The following PTPRT variants were observed in gnomAD, a reference collection of about 807,000 sequenced individuals.
PTPRT encodes protein tyrosine phosphatase receptor type T.
In PTPRT, 56 loss-of-function variants were observed where a neutral mutation model predicts 176.8. The observed-to-expected ratio is 0.32, with a 90% CI of 0.26 to 0.40. The LOEUF is 0.40. Among genes scored for constraint, PTPRT ranks in the 10% least tolerant of loss-of-function variants. PTPRT has a pLI of 1.00. For missense variants in PTPRT, 1,540 were observed against 1,908.2 expected, an observed-to-expected ratio of 0.81 and a Z score of 3.60; for synonymous variants, 783 against 739.0, an observed-to-expected ratio of 1.06 and a Z score of -0.96.
At chr20:42,452,218 G>T (rs865917737) in intron 8 of PTPRT, among the ~76,000 whole-genome samples, 1 of 150,912 alleles carries the variant, frequency 6.6e-6, no homozygotes, top group South Asian at 2.1e-4. Flanking sequence ...GCAGTGAGCC[G>T]AGACCATGCC....
chr20:42,841,168 C>T (rs1290225648), intron 2 of PTPRT, among the ~76,000 whole-genome samples: 1 of 152,174 alleles, frequency 6.6e-6, no homozygotes, highest in African/African-American at 2.4e-5. Flanking sequence ...TTGGTACTTG[C>T]CTCCTCTTAG....
At chr20:42,975,545 C>T (rs1982897842) in intron 1 of PTPRT, among the ~76,000 whole-genome samples, 1 of 152,108 alleles carries the variant, frequency 6.6e-6, no homozygotes, top group African/African-American at 2.4e-5. Context: ...ACTTTGTAAA[C>T]TTCTTTTATT....
At chr20:42,874,044 C>G (rs172303) in intron 2 of PTPRT, among the ~76,000 whole-genome samples, 47,737 of 152,004 alleles carry the variant, frequency 0.31, 8,368 homozygotes, top group African/African-American at 0.48. Flanking sequence ...GGTTCACTTG[C>G]AGGAGCTCTA....
intron 1 of PTPRT, among the ~76,000 whole-genome samples, chr20:43,070,301 C>T (rs1302171842): frequency 3.3e-5 from 5 of 151,970 alleles, no homozygotes; most frequent in South Asian, 2.1e-4. Context: ...ATTAGAATGG[C>T]GATCATTAAA....
chr20:42,059,335 T>G, the PTPRT span, among the ~76,000 whole-genome samples: 1 of 152,130 alleles, frequency 6.6e-6, no homozygotes, highest in Non-Finnish European at 1.5e-5. Flanking sequence ...CATATTGGTA[T>G]GTGTAAGCAT....
intron 2 of PTPRT, among the ~76,000 whole-genome samples, chr20:42,849,203 A>C (rs1371614388): frequency 6.6e-6 from 1 of 152,084 alleles, no homozygotes. Flanking sequence ...CATGCTGAGG[A>C]AACAGGGGTC....
chr20:42,995,587 C>T (rs1984176902), intron 1 of PTPRT, among the ~76,000 whole-genome samples: 1 of 152,114 alleles, frequency 6.6e-6, no homozygotes, highest in Admixed American at 6.6e-5. Context: ...GGCAAGCACC[C>T]CTGTACTGAG....
chr20:42,309,967 G>T (rs1343281633), intron 12 of PTPRT, among the ~76,000 whole-genome samples: 2 of 152,100 alleles, frequency 1.3e-5, no homozygotes, highest in East Asian at 3.8e-4. Flanking sequence ...GCTGGTGGGT[G>T]GTTCTTAGGT....
rs537147614 is a variant in PTPRT, at chr20:42,472,139, A to T, written c.1450+127T>A. On this transcript the variant is annotated intron_variant, in intron 8 of 30. Transcript: ENST00000373187. Reference sequence around the variant, plus strand: ...TACATAGTCCTTCATTGAAGGCCTAAGAAAAGAAAGGTGTGTGTGAGGGAA... The same window carrying T: ...TACATAGTCCTTCATTGAAGGCCTATGAAAAGAAAGGTGTGTGTGAGGGAA... 27 of 1,117,500 alleles carry T rather than the reference A, an allele frequency of 2.4e-5. No homozygotes were observed. In the African/African-American group the frequency reaches 3.6e-4, roughly 15 times the overall value. The allele number at this position is 1,117,500 out of a possible 1,614,324, so 69.2% of individuals were successfully genotyped here.
At chr20:42,505,933 C>T (rs772160571) in intron 7 of PTPRT, among the ~76,000 whole-genome samples, 3 of 152,108 alleles carry the variant, frequency 2.0e-5, no homozygotes, top group South Asian at 2.1e-4. Context: ...TTCAGCTCCA[C>T]GAAAGGTTGA....
At chr20:42,296,816 G>T (rs2057394280) in intron 12 of PTPRT, among the ~76,000 whole-genome samples, 1 of 152,126 alleles carries the variant, frequency 6.6e-6, no homozygotes, top group South Asian at 2.1e-4. Context: ...TAAAATAACA[G>T]AGTGTAACTG....
At chr20:42,594,038 CGGA>C (rs1271411469) in intron 7 of PTPRT, among the ~76,000 whole-genome samples, 6 of 151,870 alleles carry the variant, frequency 4.0e-5, no homozygotes, top group Non-Finnish European at 8.8e-5. Context: ...CAGAGAGTAC[CGGA>C]GGAGAAGGGA....
At chr20:42,051,164 A>C in the PTPRT span, among the ~76,000 whole-genome samples, 3 of 152,132 alleles carry the variant, frequency 2.0e-5, no homozygotes, top group South Asian at 4.1e-4. Context: ...CTTTTCACTC[A>C]CTTTGGCCAG....
At chr20:42,096,744 T>C (rs1054894725) in intron 27 of PTPRT, among the ~76,000 whole-genome samples, 7 of 149,814 alleles carry the variant, frequency 4.7e-5, no homozygotes, top group Non-Finnish European at 1.0e-4. Context: ...GCACCATGCC[T>C]GGCTAATTAA....
intron 16 of PTPRT, among the ~76,000 whole-genome samples, chr20:42,172,242 C>A (rs1199068504): frequency 6.6e-6 from 1 of 151,888 alleles, no homozygotes; most frequent in Non-Finnish European, 1.5e-5. Flanking sequence ...TGGAACATAA[C>A]ACAAGTTAAA....
intron 11 of PTPRT, among the ~76,000 whole-genome samples, chr20:42,330,689 G>A (rs2057953504): frequency 6.6e-6 from 1 of 151,924 alleles, no homozygotes; most frequent in African/African-American, 2.4e-5. Context: ...CTCCAGCCTG[G>A]GCAACATAGT....
chr20:43,012,436 T>C (rs1284232965), intron 1 of PTPRT, among the ~76,000 whole-genome samples: 1 of 151,956 alleles, frequency 6.6e-6, no homozygotes, highest in East Asian at 1.9e-4. Flanking sequence ...GAGTGGGGAA[T>C]GGAGAGTTAG....
At chr20:43,162,440 C>T (rs888662757) in intron 1 of PTPRT, among the ~76,000 whole-genome samples, 3 of 152,154 alleles carry the variant, frequency 2.0e-5, no homozygotes, top group African/African-American at 7.2e-5. Flanking sequence ...TCAGTGGAAC[C>T]AGCATCTGAC....
chr20:42,787,717 G>T (rs2077311977), intron 3 of PTPRT, among the ~76,000 whole-genome samples: 1 of 152,176 alleles, frequency 6.6e-6, no homozygotes, highest in Non-Finnish European at 1.5e-5. Flanking sequence ...AACCCCAAAA[G>T]CTCTGAAAAC....
Sources: gnomAD v4.1 joint callset for allele counts (sites outside exome capture counted in the v4.1 genomes callset) on GRCh38, gnomAD v4.1.1 for gene constraint, MANE v1.5 for transcripts, NCBI Gene and HGNC (gene_info 2026-07-23, HGNC 2026-07-21) for gene names.